CATSPERE: variants seen among roughly 807,000 people sequenced by gnomAD.
The protein encoded by CATSPERE is cation channel sperm-associated auxiliary subunit epsilon.
Under a neutral mutation model 114.1 loss-of-function variants are expected in CATSPERE, and 93 were observed. The ratio of observed to expected loss-of-function variants is 0.81; its 90% confidence interval spans 0.69 to 0.97. The LOEUF (loss-of-function observed/expected upper bound fraction) is 0.97, where lower values mean the gene tolerates loss of function less well. CATSPERE is among the 50% of genes least tolerant of loss of function. The pLI is 0.00. For missense variants in CATSPERE, 1,058 were observed against 1,131.6 expected, an observed-to-expected ratio of 0.93 and a Z score of 0.93; for synonymous variants, 341 against 384.1, an observed-to-expected ratio of 0.89 and a Z score of 1.31.
chr1:244,516,492 T>G (rs1438168616), intron 7 of CATSPERE, among the ~76,000 whole-genome samples: 4 of 148,762 alleles, frequency 2.7e-5, no homozygotes, highest in Non-Finnish European at 4.5e-5. Context: ...GGACTACAGG[T>G]GCGCACCACC....
intron 20 of CATSPERE, among the ~76,000 whole-genome samples, chr1:244,625,531 C>T (rs1673075948): frequency 6.9e-6 from 1 of 145,642 alleles, no homozygotes; most frequent in South Asian, 2.2e-4. Flanking sequence ...AGGGTTCAAG[C>T]AATTCTCCTG....
At position 244,573,412 on chromosome 1, in the gene CATSPERE, AAAAACAAAACAAAAC is replaced by A. The variant is rs58959857; in HGVS notation, c.1950+660_1950+674del. 1.3e-5 allele frequency among the ~76,000 whole-genome samples: 2 copies of A among 149,924 alleles called. No homozygotes were observed. Among genetic ancestry groups the A allele is most frequent in the East Asian group, 4.0e-4 (2 of 5,042 alleles). On this transcript the variant is annotated intron_variant, in intron 11 of 21. Transcript: ENST00000366534. This position sits in a 1 kb window ranked among gnomAD's most constrained non-coding sequence, Gnocchi z 4.0. ...GGTGACAGAGTGAGACTCCCTCTCA[AAAAACAAAACAAAAC>A]AAAACAAAACAAAACAAAAAAACCA...
chr1:244,480,277 A>G (rs1202864582), intron 5 of CATSPERE, among the ~76,000 whole-genome samples: 1 of 152,234 alleles, frequency 6.6e-6, no homozygotes, highest in Non-Finnish European at 1.5e-5. Flanking sequence ...ACATAACTAC[A>G]TAATTAACTG....
Position 244,461,451 on chromosome 1 carries a change from G to A in CATSPERE, c.22G>A (p.Val8Met). The A allele has an allele frequency of 1.4e-6, 2 of 1,384,498 alleles. No individual in the cohort carries two copies. Among genetic ancestry groups the A allele is most frequent in the South Asian group, 1.8e-5 (1 of 55,472 alleles). The allele number at this position is 1,384,498 out of a possible 1,614,324, so 85.8% of individuals were successfully genotyped here. A position where few individuals can be genotyped will look rare whatever the true frequency, so the allele number is the denominator to read the frequency against. Residue 8 changes from valine (V) to methionine (M), a missense_variant, in exon 1 of 22, where the codon GTG becomes ATG. Val to Met is a conservative substitution (Grantham distance 21). Around this residue, in one of 2 missense-constraint regions of CATSPERE, gnomAD observed 271 missense variants for 225.9 expected, o/e 1.20. Coordinates refer to ENST00000366534, the MANE Select transcript of CATSPERE (RefSeq NM_001130957.2). MSAREVA[V>M]LLLWLSCYGS... ...CGCCATGTCAGCCCGGGAAGTGGCC[G>A]TGCTGCTGCTGTGGCTGAGCTGCTA... is the stretch of plus-strand genomic sequence containing the variant.
At chr1:244,472,454 T>A (rs763553408) in intron 2 of CATSPERE, among the ~76,000 whole-genome samples, 1 of 152,228 alleles carries the variant, frequency 6.6e-6, no homozygotes, top group Non-Finnish European at 1.5e-5. Flanking sequence ...CCATGGCTTT[T>A]AAAAAATTTT....
At chr1:244,542,013 G>A (rs556175839) in intron 8 of CATSPERE, among the ~76,000 whole-genome samples, 1 of 119,036 alleles carries the variant, frequency 8.4e-6, no homozygotes, top group Non-Finnish European at 1.7e-5. Flanking sequence ...GTTGTGGGGT[G>A]GGGGGAGGGG....
intron 8 of CATSPERE, among the ~76,000 whole-genome samples, chr1:244,549,235 T>C (rs930023580): frequency 6.6e-6 from 1 of 152,168 alleles, no homozygotes; most frequent in African/African-American, 2.4e-5. Flanking sequence ...ATTTGAGTTA[T>C]CCCTCAGGTA....
intron 8 of CATSPERE, among the ~76,000 whole-genome samples, chr1:244,526,891 T>TC (rs1226537283): frequency 6.6e-6 from 1 of 152,128 alleles, no homozygotes; most frequent in Non-Finnish European, 1.5e-5. Context: ...GTCAGCAGGT[T>TC]CCGTGATGCC....
At chr1:244,617,256 AT>A (rs1157373534) in intron 19 of CATSPERE, among the ~76,000 whole-genome samples, 3 of 152,138 alleles carry the variant, frequency 2.0e-5, no homozygotes, top group Non-Finnish European at 4.4e-5. Flanking sequence ...AACATTTTGT[AT>A]TTTGTTGATT....
At chr1:244,525,482 A>G (rs984284026) in intron 8 of CATSPERE, among the ~76,000 whole-genome samples, 5 of 150,088 alleles carry the variant, frequency 3.3e-5, no homozygotes, top group Non-Finnish European at 7.4e-5. Flanking sequence ...TAAAACTTAA[A>G]GTATAATAAT....
At chr1:244,477,136 C>T (rs1388601179) in intron 2 of CATSPERE, among the ~76,000 whole-genome samples, 1 of 152,164 alleles carries the variant, frequency 6.6e-6, no homozygotes. Context: ...GCAGGGATTA[C>T]AGGCGCGTGC....
At chr1:244,620,013 A>C (rs1671891851) in intron 20 of CATSPERE, among the ~76,000 whole-genome samples, 1 of 152,198 alleles carries the variant, frequency 6.6e-6, no homozygotes, top group South Asian at 2.1e-4. Context: ...AATGTGAATA[A>C]AATTATTCAT....
At chr1:244,507,664 TGA>T (rs1006055504) in intron 7 of CATSPERE, among the ~76,000 whole-genome samples, 28 of 151,932 alleles carry the variant, frequency 1.8e-4, no homozygotes, top group Non-Finnish European at 2.9e-5. Context: ...ATATATATAG[TGA>T]GAGATAAAGG....
intron 8 of CATSPERE, among the ~76,000 whole-genome samples, chr1:244,545,267 T>C (rs1034602255): frequency 6.6e-6 from 1 of 152,218 alleles, no homozygotes; most frequent in Non-Finnish European, 1.5e-5. Context: ...TGTTTGCATC[T>C]GGCCCCTCCT....
At position 244,628,027 on chromosome 1, in the gene CATSPERE, G is replaced by A. The variant is rs541956261; in HGVS notation, c.2649-7462G>A. Among the ~76,000 whole-genome samples, 16 of 152,272 alleles carry A rather than the reference G, an allele frequency of 1.1e-4. No homozygotes were observed. In the East Asian group the frequency reaches 2.1e-3, roughly 20 times the overall value. On this transcript the variant is annotated intron_variant, in intron 20 of 21. Transcript: ENST00000366534. ...TCCTGGCTATCAGATCCATTGTAGC[G>A]TTAAAGCAATACTGTTGTGTTCCCG...
At chr1:244,616,722 T>A (rs10803230) in intron 19 of CATSPERE, among the ~76,000 whole-genome samples, 1 of 152,090 alleles carries the variant, frequency 6.6e-6, no homozygotes, top group Non-Finnish European at 1.5e-5. Context: ...GACCTCACTT[T>A]CCATCTCAAC....
chr1:244,510,706 G>C (rs1189170023), intron 7 of CATSPERE, among the ~76,000 whole-genome samples: 1 of 151,308 alleles, frequency 6.6e-6, no homozygotes, highest in Non-Finnish European at 1.5e-5. Flanking sequence ...AGAGTGGGGT[G>C]TTGAACTCCC....
In CATSPERE at chr1:244,607,181, C is replaced by G. The variant is rs1670120947; in HGVS notation, c.2403+1387C>G. ...ACAGTTCTATCGAACCAAGAGTACT[C>G]TTTCTCTCACCCCATATACTTAAGG... On this transcript the variant is annotated intron_variant, in intron 18 of 21. Transcript: ENST00000366534. The surrounding 1 kb of genome is among the most constrained non-coding windows in gnomAD (Gnocchi z 4.4). Among the ~76,000 whole-genome samples, 1 of 152,188 alleles carries G rather than the reference C, an allele frequency of 6.6e-6. No homozygotes were observed. Among genetic ancestry groups the G allele is most frequent in the African/African-American group, 2.4e-5 (1 of 41,434 alleles).
At chr1:244,509,366 T>C (rs1345358920) in intron 7 of CATSPERE, among the ~76,000 whole-genome samples, 1 of 152,226 alleles carries the variant, frequency 6.6e-6, no homozygotes, top group African/African-American at 2.4e-5. Context: ...TCTGTTGATG[T>C]GATATATCAT....
Sources: gnomAD v4.1 joint callset for allele counts (sites outside exome capture counted in the v4.1 genomes callset) on GRCh38, gnomAD v4.1.1 for gene constraint, gnomAD v4.1.1 regional missense constraint, Gnocchi (gnomAD v3.1) non-coding constraint, MANE v1.5 for transcripts, NCBI Gene and HGNC (gene_info 2026-07-23, HGNC 2026-07-21) for gene names.